The following STX8 variants were observed in gnomAD, a reference collection of about 807,000 sequenced individuals.
STX8 encodes syntaxin-8.
A neutral mutation model predicts 37.5 loss-of-function variants in STX8; 23 were observed. The ratio of observed to expected loss-of-function variants is 0.61; its 90% confidence interval spans 0.44 to 0.87. STX8 has a LOEUF of 0.87. STX8 is among the 40% of genes least tolerant of loss of function. STX8 has a pLI of 0.00. For synonymous variants in STX8, 115 were observed against 99.1 expected, an observed-to-expected ratio of 1.16 and a Z score of -0.95; for missense variants, 313 against 284.7, an observed-to-expected ratio of 1.10 and a Z score of -0.71.
At chr17:9,423,810 T>C (rs1432813855) in intron 6 of STX8, among the ~76,000 whole-genome samples, 1 of 152,176 alleles carries the variant, frequency 6.6e-6, no homozygotes, top group Non-Finnish European at 1.5e-5. Flanking sequence ...AGCTAGACAC[T>C]GCACCAGACC....
chr17:9,444,086 A>G (rs1904754826), intron 6 of STX8, among the ~76,000 whole-genome samples: 2 of 152,074 alleles, frequency 1.3e-5, no homozygotes, highest in South Asian at 4.2e-4. Context: ...TCACACTTCT[A>G]TTTCCTGTCC....
intron 7 of STX8, among the ~76,000 whole-genome samples, chr17:9,351,569 G>A (rs1300806971): frequency 6.6e-6 from 1 of 152,086 alleles, no homozygotes; most frequent in Non-Finnish European, 1.5e-5. Context: ...ATTATCTAAT[G>A]CACAGTCCAT....
intron 2 of STX8, among the ~76,000 whole-genome samples, chr17:9,559,756 A>ATTTTTTTTTTTT (rs1214621506): frequency 3.9e-4 from 12 of 31,132 alleles, no homozygotes; most frequent in African/African-American, 1.7e-3. Flanking sequence ...ATATATATAT[A>ATTTTTTTTTTTT]TATATTTTTT....
At chr17:9,453,979 C>CATGG (rs1168121138) in intron 6 of STX8, among the ~76,000 whole-genome samples, 4 of 152,196 alleles carry the variant, frequency 2.6e-5, no homozygotes, top group Non-Finnish European at 2.9e-5. Flanking sequence ...ACCGCTCTCA[C>CATGG]ATGGCTTCAG....
intron 7 of STX8, among the ~76,000 whole-genome samples, chr17:9,332,647 G>A (rs1909999536): frequency 6.6e-6 from 1 of 152,218 alleles, no homozygotes; most frequent in African/African-American, 2.4e-5. Context: ...TCTTAACGAT[G>A]TTAATAAAAT....
intron 7 of STX8, among the ~76,000 whole-genome samples, chr17:9,368,922 CTT>C (rs71830909): frequency 0.19 from 27,528 of 145,200 alleles, 2,658 homozygotes; most frequent in Non-Finnish European, 0.23. Context: ...ACCTTTTACC[CTT>C]TTTTTTTTTT....
In STX8 at chr17:9,365,723, C is replaced by T. The variant is rs547934677; in HGVS notation, c.643+12829G>A. On this transcript the variant is annotated intron_variant, in intron 7 of 7. Coordinates refer to ENST00000306357, the MANE Select transcript of STX8 (RefSeq NM_004853.3). Reference sequence around the variant, plus strand: ...GTGAGGTGGCTCACGCCTGTAATCCCAGCACTTCGGGAGGCCGAGGTGGGC... The same window carrying T: ...GTGAGGTGGCTCACGCCTGTAATCCTAGCACTTCGGGAGGCCGAGGTGGGC... Among the ~76,000 whole-genome samples the T allele has an allele frequency of 2.0e-5, 3 of 152,380 alleles. No individual in the cohort carries two copies. In the East Asian group the frequency reaches 5.8e-4, roughly 29 times the overall value.
chr17:9,267,632 A>T (rs1907276777), intron 7 of STX8, among the ~76,000 whole-genome samples: 1 of 152,166 alleles, frequency 6.6e-6, no homozygotes, highest in Admixed American at 6.5e-5. Flanking sequence ...TATCATGAAA[A>T]CAGACTTTGA....
chr17:9,419,285 C>T (rs910140854), intron 6 of STX8, among the ~76,000 whole-genome samples: 12 of 151,956 alleles, frequency 7.9e-5, no homozygotes, highest in Non-Finnish European at 5.9e-5. Context: ...TGAGATCGCC[C>T]AAGGTGATCT....
chr17:9,544,848 C>T (rs1001288271), intron 4 of STX8, among the ~76,000 whole-genome samples: 3 of 151,878 alleles, frequency 2.0e-5, no homozygotes, highest in Non-Finnish European at 2.9e-5. Flanking sequence ...AAAAATTAGT[C>T]GGGCACGGTG....
chr17:9,406,049 T>G (rs1912791260), intron 6 of STX8, among the ~76,000 whole-genome samples: 1 of 152,216 alleles, frequency 6.6e-6, no homozygotes, highest in African/African-American at 2.4e-5. Context: ...GTGCAAGGAT[T>G]TTGCACCTGC....
At chr17:9,301,461 A>T (rs1211351384) in intron 7 of STX8, among the ~76,000 whole-genome samples, 1 of 150,790 alleles carries the variant, frequency 6.6e-6, no homozygotes, top group Non-Finnish European at 1.5e-5. Flanking sequence ...ACTTTTTTTT[A>T]ATTTTTATTT....
At chr17:9,411,447 G>A (rs1380509582) in intron 6 of STX8, among the ~76,000 whole-genome samples, 1 of 152,136 alleles carries the variant, frequency 6.6e-6, no homozygotes, top group African/African-American at 2.4e-5. Context: ...GCTATAAAAC[G>A]AATGTTCTCA....
chr17:9,319,724 G>A (rs1346133842), intron 7 of STX8, among the ~76,000 whole-genome samples: 9 of 152,058 alleles, frequency 5.9e-5, no homozygotes, highest in Non-Finnish European at 1.2e-4. Context: ...AGGCCGAGGT[G>A]GGTAGATCAC....
At chr17:9,418,524 A>C (rs1171368611) in intron 6 of STX8, among the ~76,000 whole-genome samples, 53 of 150,382 alleles carry the variant, frequency 3.5e-4, no homozygotes, top group Admixed American at 2.7e-3. Context: ...TCTAAAAAAA[A>C]AAAAAAACAA....
chr17:9,444,142 C>G (rs1904756929), intron 6 of STX8, among the ~76,000 whole-genome samples: 1 of 150,178 alleles, frequency 6.7e-6, no homozygotes, highest in African/African-American at 2.4e-5. Flanking sequence ...TTCGCACATT[C>G]TTCTCTCTTT....
chr17:9,448,194 G>C (rs1451346272), intron 6 of STX8, among the ~76,000 whole-genome samples: 1 of 143,476 alleles, frequency 7.0e-6, no homozygotes. Flanking sequence ...AAAAAAGTTT[G>C]ATCCTCATTA....
At chr17:9,420,155 C>G (rs1277736112) in intron 6 of STX8, among the ~76,000 whole-genome samples, 2 of 152,144 alleles carry the variant, frequency 1.3e-5, no homozygotes, top group African/African-American at 4.8e-5. Context: ...GATGGGTAAC[C>G]CCATGGCACA....
At chr17:9,454,066 T>C (rs9892348) in intron 6 of STX8, among the ~76,000 whole-genome samples, 41,892 of 152,078 alleles carry the variant, frequency 0.28, 7,620 homozygotes, top group East Asian at 0.65. Flanking sequence ...TAAATATGTT[T>C]TCTACATTAT....
Sources: allele counts gnomAD v4.1 joint callset (sites outside exome capture counted in the v4.1 genomes callset), GRCh38; gene constraint gnomAD v4.1.1; transcripts MANE v1.5; gene names NCBI Gene and HGNC (gene_info 2026-07-23, HGNC 2026-07-21).